The following RORB variants were observed in gnomAD, a reference collection of about 807,000 sequenced individuals.
The protein encoded by RORB is RAR related orphan receptor B, also known as nuclear receptor ROR-beta.
In RORB, 6 loss-of-function variants were observed where a neutral mutation model predicts 59.1. The ratio of observed to expected loss-of-function variants is 0.10; its 90% CI spans 0.06 to 0.20. The LOEUF (loss-of-function observed/expected upper bound fraction) is 0.20. Ranked by LOEUF, RORB falls within the 10% of genes least tolerant of loss-of-function variation. The pLI, the probability that RORB is intolerant of heterozygous loss-of-function variation, is 1.00. For synonymous variants in RORB, 215 were observed against 204.5 expected (o/e 1.05, Z -0.44); for missense variants, 320 against 560.5 (o/e 0.57, Z 4.33).
chr9:74,542,203 A>C (rs537360126), intron 1 of RORB, among the ~76,000 whole-genome samples: 1 of 152,336 alleles, frequency 6.6e-6, no homozygotes, highest in African/African-American at 2.4e-5. Flanking sequence ...ACACAGACAG[A>C]AAATCTAGAT....
intron 1 of RORB, among the ~76,000 whole-genome samples, chr9:74,610,243 G>A (rs539651760): frequency 6.6e-5 from 10 of 152,212 alleles, no homozygotes; most frequent in African/African-American, 2.4e-4. Flanking sequence ...CCAAAATTTC[G>A]TGCTAAATTA....
At chr9:74,543,275 A>G (rs1232156699) in intron 1 of RORB, among the ~76,000 whole-genome samples, 2 of 152,218 alleles carry the variant, frequency 1.3e-5, no homozygotes, top group Non-Finnish European at 2.9e-5. Context: ...TCACCCCAGT[A>G]GTATCTACAG....
intron 1 of RORB, among the ~76,000 whole-genome samples, chr9:74,505,313 G>A (rs1233147290): frequency 3.3e-5 from 5 of 151,734 alleles, no homozygotes; most frequent in African/African-American, 1.2e-4. Flanking sequence ...TCATTTTTAG[G>A]AGCCCAAATT....
At chr9:74,680,321 A>G (rs1227250051) in intron 9 of RORB, among the ~76,000 whole-genome samples, 1 of 152,166 alleles carries the variant, frequency 6.6e-6, no homozygotes, top group Non-Finnish European at 1.5e-5. Flanking sequence ...CCCTGTAGGT[A>G]TCTACTTCAT....
chr9:74,656,618 C>T (rs1824086489), intron 4 of RORB, among the ~76,000 whole-genome samples: 1 of 152,104 alleles, frequency 6.6e-6, no homozygotes, highest in Admixed American at 6.5e-5. Flanking sequence ...CACTTGTAGT[C>T]CCAGCTAGTT....
intron 1 of RORB, among the ~76,000 whole-genome samples, chr9:74,576,772 G>C (rs746613850): frequency 3.9e-5 from 6 of 152,026 alleles, no homozygotes; most frequent in Non-Finnish European, 7.4e-5. Context: ...CTTTTTTAAA[G>C]AACATTCTTA....
chr9:74,605,072 A>C (rs551651098), intron 1 of RORB, among the ~76,000 whole-genome samples: 1 of 152,324 alleles, frequency 6.6e-6, no homozygotes, highest in East Asian at 1.9e-4. Context: ...CACTGTGCAC[A>C]TGTATTTCTC....
At chr9:74,644,455 C>T (rs1325654485) in intron 4 of RORB, among the ~76,000 whole-genome samples, 1 of 152,152 alleles carries the variant, frequency 6.6e-6, no homozygotes, top group Non-Finnish European at 1.5e-5. Context: ...GATGCTGAAA[C>T]CGAAGCTTAG....
chr9:74,616,842 A>T (rs1018622101), intron 1 of RORB, among the ~76,000 whole-genome samples: 2 of 152,172 alleles, frequency 1.3e-5, no homozygotes, highest in Admixed American at 1.3e-4. Context: ...ATACACACAC[A>T]CACACAGACA....
intron 3 of RORB, among the ~76,000 whole-genome samples, chr9:74,635,755 G>A (rs1366372930): frequency 6.6e-6 from 1 of 152,022 alleles, no homozygotes. Flanking sequence ...TGGGCCTCTG[G>A]TCGCACTCCC....
chr9:74,552,270 A>T (rs1000076622), intron 1 of RORB, among the ~76,000 whole-genome samples: 1 of 152,162 alleles, frequency 6.6e-6, no homozygotes, highest in African/African-American at 2.4e-5. Flanking sequence ...ATCATTTGGC[A>T]AGGATATGTT....
Position 74,660,755 on chromosome 9 carries a change from T to C in RORB, c.759+17T>C, listed in dbSNP as rs989397327. The stretch of plus-strand genomic sequence containing the variant: ...CAAAGCAAGGTACTCTGGGAAACCA[T>C]GAGAAAGTTTTTCTGTGATTACCCT... On this transcript the variant is annotated intron_variant, in intron 5 of 9. Coordinates refer to ENST00000376896, the MANE Select transcript of RORB (RefSeq NM_006914.4). The C allele has an allele frequency of 1.2e-6, 2 of 1,605,502 alleles. No homozygotes were observed. Among genetic ancestry groups the C allele is most frequent in the Non-Finnish European group, 1.7e-6 (2 of 1,177,092 alleles).
chr9:74,508,708 T>C (rs1437071436), intron 1 of RORB, among the ~76,000 whole-genome samples: 1 of 152,024 alleles, frequency 6.6e-6, no homozygotes, highest in African/African-American at 2.4e-5. Flanking sequence ...CTTATAAAAG[T>C]CTTAAGGAAT....
intron 1 of RORB, among the ~76,000 whole-genome samples, chr9:74,588,531 A>G (rs1230373360): frequency 1.3e-5 from 2 of 152,198 alleles, no homozygotes; most frequent in Non-Finnish European, 2.9e-5. Flanking sequence ...CTCTCATCCT[A>G]ATAAATGCCA....
At chr9:74,530,887 C>T (rs1587344570) in intron 1 of RORB, among the ~76,000 whole-genome samples, 2 of 151,920 alleles carry the variant, frequency 1.3e-5, no homozygotes, top group South Asian at 4.2e-4. Context: ...CCCTACCCCA[C>T]GACAGGCCCC....
At chr9:74,585,856 G>A (rs932571912) in intron 1 of RORB, among the ~76,000 whole-genome samples, 1 of 149,680 alleles carries the variant, frequency 6.7e-6, no homozygotes, top group African/African-American at 2.5e-5. Context: ...GTGCAGTGGA[G>A]CGATCTCGGC....
chr9:74,553,151 G>A (rs553784340), intron 1 of RORB, among the ~76,000 whole-genome samples: 1 of 152,210 alleles, frequency 6.6e-6, no homozygotes, highest in Non-Finnish European at 1.5e-5. Context: ...AGAGGGGCAC[G>A]GAGCAGAAGT....
At chr9:74,575,511 G>A (rs1822620783) in intron 1 of RORB, among the ~76,000 whole-genome samples, 1 of 152,076 alleles carries the variant, frequency 6.6e-6, no homozygotes, top group Non-Finnish European at 1.5e-5. Context: ...CTGCCTGACA[G>A]GAAAGCCTGT....
chr9:74,660,802 A>G (rs776480829), intron 5 of RORB, 64 bp downstream of exon 5: 643 of 1,532,180 alleles, frequency 4.2e-4, no homozygotes, highest in Non-Finnish European at 5.3e-4. Flanking sequence ...GCTCAAGCTC[A>G]GCACTATTGG....
Sources: gnomAD v4.1 joint callset for allele counts (sites outside exome capture counted in the v4.1 genomes callset) on GRCh38, gnomAD v4.1.1 for gene constraint, MANE v1.5 for transcripts, NCBI Gene and HGNC (gene_info 2026-07-23, HGNC 2026-07-21) for gene names.